PTGES3: variants seen among roughly 807,000 people sequenced by gnomAD.
The protein encoded by PTGES3 is Hsp90 co-chaperone.
PTGES3 carries 5 observed loss-of-function variants against 29.9 expected under a neutral mutation model. The ratio of observed to expected loss-of-function variants is 0.17; its 90% CI spans 0.09 to 0.35. The LOEUF (loss-of-function observed/expected upper bound fraction) is 0.35, where lower values mean the gene tolerates loss of function less well. Ranked by LOEUF, PTGES3 falls within the 10% of genes least tolerant of loss-of-function variation. The pLI, the probability that PTGES3 is intolerant of heterozygous loss-of-function variation, is 1.00. For synonymous variants in PTGES3, 49 were observed against 57.8 expected (o/e 0.85, Z 0.69); for missense variants, 128 against 190.0 (o/e 0.67, Z 1.92).
intron 1 of PTGES3, among the ~76,000 whole-genome samples, chr12:56,674,765 GC>G (rs1952148252): frequency 7.3e-6 from 1 of 136,842 alleles, no homozygotes; most frequent in Non-Finnish European, 1.5e-5. Context: ...GGCGGAGCTT[GC>G]AGTGAGCTGA....
intron 1 of PTGES3, among the ~76,000 whole-genome samples, chr12:56,683,473 C>CAAAAAAAAAAAAAAAAAAAAAAAAAA: frequency 3.4e-5 from 1 of 29,760 alleles, no homozygotes; most frequent in South Asian, 2.4e-3. Context: ...AACTCTGTCT[C>CAAAAAAAAAAAAAAAAAAAAAAAAAA]AAAAAAAAAA....
At chr12:56,670,657 T>C (rs1036131075) in intron 4 of PTGES3, 1 of 259,944 alleles carries the variant, frequency 3.8e-6, no homozygotes, top group Non-Finnish European at 7.5e-6. Flanking sequence ...CATATGGCAA[T>C]GCAACCCAGA....
intron 1 of PTGES3, chr12:56,687,446 G>T (rs781773225): frequency 1.0e-6 from 1 of 988,402 alleles, no homozygotes; most frequent in African/African-American, 1.7e-5. Flanking sequence ...CACTGGAGAG[G>T]GAAGTATGTT....
intron 1 of PTGES3, 52 bp downstream of exon 1, chr12:56,687,946 C>T: frequency 6.2e-7 from 1 of 1,603,924 alleles, no homozygotes; most frequent in Non-Finnish European, 8.5e-7. Context: ...GAGCCCCCAA[C>T]GCGGCCTCGG....
rs186916980 is a variant in PTGES3, at chr12:56,672,054, T to C, written c.187-207A>G. Among the ~76,000 whole-genome samples the C allele has an allele frequency of 1.4e-4, 22 of 152,318 alleles. 1 individual carries two copies. In the East Asian group the frequency reaches 3.5e-3, roughly 24 times the overall value. The stretch of plus-strand genomic sequence containing the variant: ...TAAAAAAAAATTTTTTTTTCCCTTC[T>C]ATTTCCTACTGAAATAATCTGCACA... On this transcript the variant is annotated intron_variant, in intron 3 of 7. Coordinates refer to ENST00000262033, the MANE Select transcript of PTGES3 (RefSeq NM_006601.7).
At chr12:56,673,908 C>T (rs748616001) in intron 1 of PTGES3, among the ~76,000 whole-genome samples, 2 of 151,782 alleles carry the variant, frequency 1.3e-5, no homozygotes, top group Non-Finnish European at 1.5e-5. Context: ...GTGGAGGCTG[C>T]GGTGAGCTGA....
intron 1 of PTGES3, among the ~76,000 whole-genome samples, chr12:56,676,976 C>T (rs554958268): frequency 1.4e-5 from 2 of 139,880 alleles, no homozygotes; most frequent in African/African-American, 5.4e-5. Flanking sequence ...TGGCTTATGG[C>T]AGTAATCTCA....
intron 1 of PTGES3, among the ~76,000 whole-genome samples, chr12:56,682,712 CATTTAAAAGAAAAAAAAAAAAAA>C (rs1427446792): frequency 8.2e-5 from 2 of 24,432 alleles, no homozygotes; most frequent in Admixed American, 5.0e-4. Context: ...ATCCCGTCTC[CATTTAAAAGAAAAAAAAAAAAAA>C]AGGCCGGGCG....
intron 1 of PTGES3, among the ~76,000 whole-genome samples, chr12:56,674,832 A>G (rs1311560661): frequency 1.6e-5 from 2 of 125,628 alleles, no homozygotes; most frequent in Admixed American, 8.2e-5. Context: ...TCTCAAAAAA[A>G]AAAAAAAAAA....
chr12:56,683,080 T>C (rs1034660711), intron 1 of PTGES3, among the ~76,000 whole-genome samples: 3 of 151,960 alleles, frequency 2.0e-5, no homozygotes, highest in Non-Finnish European at 2.9e-5. Flanking sequence ...GCTGCGGCAG[T>C]AGCTCACGCC....
Position 56,664,591 on chromosome 12 carries a change from A to G in PTGES3, c.464-93T>C. On this transcript the variant is annotated intron_variant, in intron 7 of 7. Transcript: ENST00000262033. ...AGGAAAAGCAACCAAAAATCGAAAT[A>G]CATAGTTGCCCAATGAATTAATAGG... is the stretch of plus-strand genomic sequence containing the variant. The G allele has an allele frequency of 2.1e-6, 3 of 1,428,844 alleles. No homozygotes were observed. In the South Asian group the frequency reaches 3.9e-5, roughly 18 times the overall value. The allele number at this position is 1,428,844 out of a possible 1,614,324, so 88.5% of individuals were successfully genotyped here.
intron 1 of PTGES3, chr12:56,686,982 T>C (rs1473632857): frequency 3.3e-6 from 1 of 304,228 alleles, no homozygotes; most frequent in Admixed American, 6.3e-5. Flanking sequence ...ACGTAGTTAG[T>C]ACCTTGAAAA....
chr12:56,679,408 CAAAA>C (rs770485836), intron 1 of PTGES3, among the ~76,000 whole-genome samples: 2,087 of 65,072 alleles, frequency 0.032, 34 homozygotes, highest in African/African-American at 0.11. Context: ...GACTCTGCCT[CAAAA>C]AAAAAAAAAA....
chr12:56,675,521 C>CAAA (rs58270146), intron 1 of PTGES3, among the ~76,000 whole-genome samples: 2 of 92,044 alleles, frequency 2.2e-5, no homozygotes, highest in Non-Finnish European at 5.0e-5. Flanking sequence ...AGAATGAGAC[C>CAAA]AAAAAAAAAA....
At chr12:56,683,676 T>A (rs569256193) in intron 1 of PTGES3, among the ~76,000 whole-genome samples, 2 of 143,744 alleles carry the variant, frequency 1.4e-5, no homozygotes, top group East Asian at 4.3e-4. Context: ...ACCAAAACTA[T>A]GGGCCGGGCG....
At chr12:56,676,597 T>A (rs1952261015) in intron 1 of PTGES3, among the ~76,000 whole-genome samples, 1 of 151,594 alleles carries the variant, frequency 6.6e-6, no homozygotes. Flanking sequence ...AAAAAAAGAG[T>A]GCTCAAAAGA....
At chr12:56,671,178 T>A (rs1446610545) in intron 4 of PTGES3, among the ~76,000 whole-genome samples, 2 of 152,040 alleles carry the variant, frequency 1.3e-5, no homozygotes, top group Non-Finnish European at 2.9e-5. Flanking sequence ...GTGGGGAGAC[T>A]GCTTGAGCCC....
At chr12:56,686,762 G>A (rs1259111195) in intron 1 of PTGES3, 1 of 397,494 alleles carries the variant, frequency 2.5e-6, no homozygotes, top group Non-Finnish European at 4.4e-6. Flanking sequence ...TGCTCTAGAA[G>A]CTTGTTCCCA....
intron 1 of PTGES3, among the ~76,000 whole-genome samples, chr12:56,674,190 G>A (rs1379738847): frequency 6.6e-6 from 1 of 152,132 alleles, no homozygotes; most frequent in Non-Finnish European, 1.5e-5. Context: ...TGAGGTCTTA[G>A]GATAGACCCT....
Sources: allele counts gnomAD v4.1 joint callset (sites outside exome capture counted in the v4.1 genomes callset), GRCh38; gene constraint gnomAD v4.1.1; transcripts MANE v1.5; gene names NCBI Gene and HGNC (gene_info 2026-07-23, HGNC 2026-07-21).